The following ZNF131 variants were observed in gnomAD, a reference collection of about 807,000 sequenced individuals.
The protein encoded by ZNF131 is zinc finger and BTB domain containing 35, also known as zinc finger protein 131.
In ZNF131, 7 loss-of-function variants were observed where a neutral mutation model predicts 60.0. The ratio of observed to expected loss-of-function variants is 0.12; its 90% CI spans 0.07 to 0.22. The LOEUF is 0.22. Among genes scored for constraint, ZNF131 ranks in the 10% least tolerant of loss-of-function variants. ZNF131 has a pLI of 1.00. For missense variants in ZNF131, 493 were observed against 740.9 expected (o/e 0.67, Z 3.88); for synonymous variants, 257 against 253.2 (o/e 1.01, Z -0.14).
chr5:43,155,668 G>GC (rs1748872355), intron 4 of ZNF131, among the ~76,000 whole-genome samples: 1 of 152,202 alleles, frequency 6.6e-6, no homozygotes, highest in African/African-American at 2.4e-5. Context: ...AAAGTAGAAT[G>GC]CCTAAGTAAG....
chr5:43,148,882 T>G (rs1747947742), intron 4 of ZNF131, among the ~76,000 whole-genome samples: 1 of 152,234 alleles, frequency 6.6e-6, no homozygotes, highest in Non-Finnish European at 1.5e-5. Context: ...TGTGCAATTT[T>G]GTAATCCATT....
At chr5:43,146,325 C>T (rs940949971) in intron 4 of ZNF131, among the ~76,000 whole-genome samples, 16 of 152,026 alleles carry the variant, frequency 1.1e-4, no homozygotes, top group African/African-American at 2.7e-4. Flanking sequence ...CGGTGGCTCA[C>T]GCCTGTAATC....
At chr5:43,146,202 T>C (rs1747555032) in intron 4 of ZNF131, among the ~76,000 whole-genome samples, 1 of 152,204 alleles carries the variant, frequency 6.6e-6, no homozygotes, top group South Asian at 2.1e-4. Context: ...AGTATGGAAT[T>C]ATTTTTGGAA....
At chr5:43,146,168 A>G (rs1301116308) in intron 4 of ZNF131, among the ~76,000 whole-genome samples, 2 of 152,242 alleles carry the variant, frequency 1.3e-5, no homozygotes, top group African/African-American at 4.8e-5. Context: ...CAGAAGGTGC[A>G]TGAGGTGCTC....
chr5:43,133,592 A>G (rs1745643473), intron 3 of ZNF131, among the ~76,000 whole-genome samples: 1 of 152,210 alleles, frequency 6.6e-6, no homozygotes, highest in Non-Finnish European at 1.5e-5. Flanking sequence ...ACTTTCCTGA[A>G]GTAGTTTACA....
chr5:43,170,943 A>T (rs1750912556), intron 5 of ZNF131, among the ~76,000 whole-genome samples: 2 of 139,300 alleles, frequency 1.4e-5, no homozygotes, highest in African/African-American at 2.7e-5. Context: ...GATTTTTTAA[A>T]TTTTTTTTTA....
chr5:43,125,772 C>T (rs1175007130), intron 3 of ZNF131, among the ~76,000 whole-genome samples: 1 of 151,684 alleles, frequency 6.6e-6, no homozygotes, highest in African/African-American at 2.4e-5. Flanking sequence ...AAGAGTGAAA[C>T]TCCGTCTCAA....
intron 4 of ZNF131, among the ~76,000 whole-genome samples, chr5:43,157,973 C>G (rs1450499217): frequency 6.6e-6 from 1 of 152,160 alleles, no homozygotes; most frequent in Non-Finnish European, 1.5e-5. Flanking sequence ...TTAATAACCT[C>G]ATTATTTTTT....
rs182571292 is a variant in ZNF131, at chr5:43,158,210, C to T, written c.372-3039C>T. 5.9e-5 allele frequency among the ~76,000 whole-genome samples: 9 copies of T among 152,286 alleles called. No individual in the cohort carries two copies. In the East Asian group the frequency reaches 7.7e-4, roughly 13 times the overall value. On this transcript the variant is annotated intron_variant, in intron 4 of 6. Coordinates refer to ENST00000682664, the MANE Select transcript of ZNF131 (RefSeq NM_001330707.2). ...CTCAAACTCCCGACCTCAGTTGATC[C>T]GCCTGCCTTGGCCTCCCAGAGTGCT...
Position 43,175,736 on chromosome 5 carries a change from C to G in ZNF131, c.*603C>G. On this transcript the variant is annotated 3_prime_UTR_variant, in exon 7 of 7. Coordinates refer to ENST00000682664, the MANE Select transcript of ZNF131 (RefSeq NM_001330707.2). ...TAGAATGTTAAAAAAAAAAAAAAAT[C>G]CACACCCATGTGCCTTCTCAAAACC... 4.2e-6 allele frequency: 1 copy of G among 239,016 alleles called. No individual in the cohort carries two copies. The highest frequency in any genetic ancestry group is 7.4e-6 in the Non-Finnish European group (1 of 135,486). The allele number at this position is 239,016 out of a possible 1,614,324, so 14.8% of individuals were successfully genotyped here. A position where few individuals can be genotyped will look rare whatever the true frequency, so the allele number is the denominator to read the frequency against.
At chr5:43,167,985 A>G (rs1271880611) in intron 5 of ZNF131, 1 of 454,550 alleles carries the variant, frequency 2.2e-6, no homozygotes, top group Non-Finnish European at 4.4e-6. Flanking sequence ...GAGCCCTGCC[A>G]GTGGCGACTC....
At chr5:43,121,951 G>T in intron 1 of ZNF131, 88 bp from the exon 2 acceptor site, 23 of 1,398,474 alleles carry the variant, frequency 1.6e-5, no homozygotes, top group Non-Finnish European at 1.9e-5. Context: ...TCACGTTGCT[G>T]GTTTTTTTTG....
At chr5:43,159,563 C>A (rs1013233840) in intron 4 of ZNF131, among the ~76,000 whole-genome samples, 3 of 151,930 alleles carry the variant, frequency 2.0e-5, no homozygotes, top group Non-Finnish European at 2.9e-5. Flanking sequence ...GGCATGGTGG[C>A]AGGAGCCTGT....
intron 5 of ZNF131, among the ~76,000 whole-genome samples, chr5:43,164,053 G>T (rs1162654470): frequency 6.6e-6 from 1 of 152,158 alleles, no homozygotes; most frequent in African/African-American, 2.4e-5. Flanking sequence ...TACTTAGTTT[G>T]GATAACTAAT....
At chr5:43,123,967 A>G (rs938528780) in intron 3 of ZNF131, 5 of 152,216 alleles carry the variant, frequency 3.3e-5, no homozygotes, top group Admixed American at 6.5e-5. Flanking sequence ...GGCTCACAGC[A>G]ATCGTTTGAT....
intron 4 of ZNF131, among the ~76,000 whole-genome samples, chr5:43,153,211 C>T (rs1199284952): frequency 6.6e-6 from 1 of 152,154 alleles, no homozygotes; most frequent in East Asian, 1.9e-4. Flanking sequence ...TAAGAGAATC[C>T]AGATGGCTGA....
At chr5:43,127,398 GA>G in intron 3 of ZNF131, among the ~76,000 whole-genome samples, 2 of 152,294 alleles carry the variant, frequency 1.3e-5, no homozygotes, top group South Asian at 4.1e-4. Context: ...ACTACATGGG[GA>G]TCATTTGGAA....
chr5:43,140,547 T>C (rs1746686242), intron 4 of ZNF131, among the ~76,000 whole-genome samples: 1 of 152,222 alleles, frequency 6.6e-6, no homozygotes, highest in African/African-American at 2.4e-5. Context: ...GTATGAACTA[T>C]TATCTCCTGG....
chr5:43,150,101 C>T (rs1748111183), intron 4 of ZNF131, among the ~76,000 whole-genome samples: 1 of 152,152 alleles, frequency 6.6e-6, no homozygotes, highest in Non-Finnish European at 1.5e-5. Context: ...ACACAGTGGC[C>T]TAGGTGTGTA....
Sources: gnomAD v4.1 joint callset for allele counts (sites outside exome capture counted in the v4.1 genomes callset) on GRCh38, gnomAD v4.1.1 for gene constraint, MANE v1.5 for transcripts, NCBI Gene and HGNC (gene_info 2026-07-23, HGNC 2026-07-21) for gene names.